The following CADPS variants were observed in gnomAD, a reference collection of about 807,000 sequenced individuals.
CADPS encodes the protein calcium dependent secretion activator.
In CADPS, 57 loss-of-function variants were observed where a neutral mutation model predicts 167.3. The observed-to-expected ratio is 0.34, with a 90% CI of 0.28 to 0.42. The LOEUF (loss-of-function observed/expected upper bound fraction) is 0.42. CADPS is among the 20% of genes least tolerant of loss of function. CADPS has a pLI of 1.00. For synonymous variants in CADPS, 676 were observed against 635.3 expected, an observed-to-expected ratio of 1.06 and a Z score of -0.96; for missense variants, 1,414 against 1,738.1, an observed-to-expected ratio of 0.81 and a Z score of 3.32.
At position 62,509,283 on chromosome 3, in the gene CADPS, C is replaced by T. The variant is rs1272625223; in HGVS notation, c.2599+3468G>A. Among the ~76,000 whole-genome samples the T allele has an allele frequency of 6.3e-5, 7 of 111,648 alleles. No individual in the cohort carries two copies. The East Asian group carries it at 7.4e-4, about 12-fold the overall frequency. The allele number at this position is 111,648 out of a possible 152,430, so 73.2% of individuals were successfully genotyped here. A position where few individuals can be genotyped will look rare whatever the true frequency, so the allele number is the denominator to read the frequency against. ...CCTATCACTGTACTCTAAAGCAAGA[C>T]TCTGTCTCAAAAAAAAAAAAAAAAG... On this transcript the variant is annotated intron_variant, in intron 17 of 29. Transcript: ENST00000383710.
chr3:62,829,826 C>T (rs1298655946), intron 1 of CADPS, among the ~76,000 whole-genome samples: 1 of 152,140 alleles, frequency 6.6e-6, no homozygotes, highest in Non-Finnish European at 1.5e-5. Flanking sequence ...TGAGAAGGAA[C>T]TACTGAGAAG....
intron 4 of CADPS, among the ~76,000 whole-genome samples, chr3:62,653,119 G>T (rs551327091): frequency 2.6e-5 from 4 of 152,270 alleles, no homozygotes; most frequent in Admixed American, 2.0e-4. Context: ...TCCTCCTGTT[G>T]TATTTGCTAA....
intron 2 of CADPS, among the ~76,000 whole-genome samples, chr3:62,754,400 C>G (rs1486962519): frequency 6.6e-6 from 1 of 152,038 alleles, no homozygotes; most frequent in Non-Finnish European, 1.5e-5. Flanking sequence ...GTTGCCCAGG[C>G]TGGTCTCAAA....
chr3:62,724,674 G>A (rs571613), intron 3 of CADPS, among the ~76,000 whole-genome samples: 34,212 of 152,100 alleles, frequency 0.22, 4,107 homozygotes, highest in African/African-American at 0.3. Context: ...ATTTAGCAAT[G>A]CATCAGTGAA....
At chr3:62,526,907 C>A (rs2072383182) in intron 13 of CADPS, among the ~76,000 whole-genome samples, 1 of 152,008 alleles carries the variant, frequency 6.6e-6, no homozygotes, top group South Asian at 2.1e-4. Context: ...GCATTTTTAC[C>A]CTCTCCAAGT....
At chr3:62,485,341 A>G (rs1246705146) in intron 21 of CADPS, among the ~76,000 whole-genome samples, 2 of 152,058 alleles carry the variant, frequency 1.3e-5, no homozygotes, top group African/African-American at 4.8e-5. Context: ...CAGCGTTTGC[A>G]TGCTCTCCCT....
At chr3:62,748,506 A>G (rs2082035129) in intron 3 of CADPS, among the ~76,000 whole-genome samples, 1 of 152,140 alleles carries the variant, frequency 6.6e-6, no homozygotes, top group Admixed American at 6.5e-5. Flanking sequence ...AGTAGCAGAC[A>G]GCTGGTACAA....
chr3:62,402,374 G>A (rs1201895773), intron 29 of CADPS, among the ~76,000 whole-genome samples: 1 of 151,974 alleles, frequency 6.6e-6, no homozygotes, highest in Non-Finnish European at 1.5e-5. Flanking sequence ...GCATACAAAT[G>A]TTTTAAAACC....
chr3:62,506,286 G>T (rs1374160987), intron 17 of CADPS, among the ~76,000 whole-genome samples: 1 of 152,112 alleles, frequency 6.6e-6, no homozygotes, highest in Non-Finnish European at 1.5e-5. Flanking sequence ...TACTCAGGAG[G>T]CTGAGGCAGG....
At chr3:62,754,465 G>A (rs896759057) in intron 2 of CADPS, among the ~76,000 whole-genome samples, 1 of 152,096 alleles carries the variant, frequency 6.6e-6, no homozygotes, top group African/African-American at 2.4e-5. Context: ...TGGGATTACA[G>A]GCATGAGTCA....
chr3:62,462,081 A>T (rs2059418677), intron 26 of CADPS, among the ~76,000 whole-genome samples: 2 of 152,252 alleles, frequency 1.3e-5, no homozygotes, highest in Admixed American at 1.3e-4. Context: ...GCCTCCTAAA[A>T]GAACAGCGAG....
chr3:62,516,045 G>C lies in CADPS; in HGVS notation c.2581+14C>G. The C allele has an allele frequency of 6.2e-7, 1 of 1,612,744 alleles. No homozygotes were observed. The highest frequency in any genetic ancestry group is 8.5e-7 in the Non-Finnish European group (1 of 1,179,126). ...AAATTTAAATTCAAAACTGGGGGCA[G>C]AAGGGAGCCTTACCTTCGATTTTGG... is the stretch of plus-strand genomic sequence containing the variant. On this transcript the variant is annotated intron_variant, in intron 16 of 29. Transcript: ENST00000383710.
intron 4 of CADPS, among the ~76,000 whole-genome samples, chr3:62,655,875 G>A (rs975126590): frequency 1.6e-4 from 25 of 152,146 alleles, no homozygotes; most frequent in African/African-American, 5.5e-4. Context: ...AACCAGCCGA[G>A]AGGTGATGGT....
chr3:62,589,202 G>A (rs2085363906), intron 7 of CADPS, among the ~76,000 whole-genome samples: 1 of 152,170 alleles, frequency 6.6e-6, no homozygotes, highest in East Asian at 1.9e-4. Flanking sequence ...AAGAATTCGA[G>A]CATAGAAACA....
chr3:62,832,548 A>G (rs1348170025), intron 1 of CADPS, among the ~76,000 whole-genome samples: 1 of 152,222 alleles, frequency 6.6e-6, no homozygotes, highest in East Asian at 1.9e-4. Context: ...TAGAGAATAC[A>G]TTTGACCTGT....
chr3:62,495,448 G>C (rs1002157066), intron 18 of CADPS, among the ~76,000 whole-genome samples: 4 of 152,166 alleles, frequency 2.6e-5, no homozygotes, highest in African/African-American at 9.7e-5. Flanking sequence ...ACAGGTGAAT[G>C]CTATTTTTGT....
intron 4 of CADPS, among the ~76,000 whole-genome samples, chr3:62,660,032 C>T (rs1449394242): frequency 6.6e-6 from 1 of 152,186 alleles, no homozygotes. Flanking sequence ...AATAATATCT[C>T]ATTTAGCTTC....
At position 62,564,148 on chromosome 3, in the gene CADPS, C is replaced by T. The variant is rs145006996; in HGVS notation, c.1645-6635G>A. Among the ~76,000 whole-genome samples, 428 of 152,174 alleles carry T rather than the reference C, an allele frequency of 2.8e-3. 4 individuals are homozygous for T. The Middle Eastern group carries it at 0.045, about 16-fold the overall frequency. On this transcript the variant is annotated intron_variant, in intron 9 of 29. Coordinates refer to ENST00000383710, the MANE Select transcript of CADPS (RefSeq NM_003716.4). The stretch of plus-strand genomic sequence containing the variant: ...TCCCAAGTAGCTGGGACTACAGGTG[C>T]CCGCCACCACGCTTGCCTAATTTTT...
intron 1 of CADPS, among the ~76,000 whole-genome samples, chr3:62,860,068 C>T (rs920513192): frequency 5.9e-5 from 9 of 152,188 alleles, no homozygotes; most frequent in Non-Finnish European, 1.3e-4. Flanking sequence ...GCTACCTGAT[C>T]CTAAGCTACC....
Sources: gnomAD v4.1 joint callset for allele counts (sites outside exome capture counted in the v4.1 genomes callset) on GRCh38, gnomAD v4.1.1 for gene constraint, MANE v1.5 for transcripts, NCBI Gene and HGNC (gene_info 2026-07-23, HGNC 2026-07-21) for gene names.